SVIL: variants seen among roughly 807,000 people sequenced by gnomAD.
The protein encoded by SVIL is supervillin.
Under a neutral mutation model 240.4 loss-of-function variants are expected in SVIL, and 101 were observed. That is an observed-to-expected ratio of 0.42 (90% CI 0.36 to 0.50). SVIL has a LOEUF of 0.50. Among genes scored for constraint, SVIL ranks in the 20% least tolerant of loss-of-function variants. The pLI is 0.01. For missense variants in SVIL, 2,512 were observed against 2,818.7 expected (o/e 0.89, Z 2.46); for synonymous variants, 999 against 1,100.0 (o/e 0.91, Z 1.82).
At chr10:29,635,330 G>A (rs1010073591), upstream of SVIL, among the ~76,000 whole-genome samples, 1 of 152,084 alleles carries the variant, frequency 6.6e-6, no homozygotes, top group Admixed American at 6.5e-5. Context: ...ATGAATGCCC[G>A]AAAAGTAACT....
Position 29,532,765 on chromosome 10 carries a change from G to GT in SVIL, c.1601dup (p.Asn534LysfsTer30). ...CCTTGCGCTTTTTCGAGGCTTCCCTGTTGTGACCAGTTGGTTTGGCGTCTT... is the reference window on the plus strand; with the variant it reads ...CCTTGCGCTTTTTCGAGGCTTCCCTGTTTGTGACCAGTTGGTTTGGCGTCTT... On this transcript the variant is annotated frameshift_variant, in exon 8 of 38. Transcript: ENST00000355867. LOFTEE classifies it high-confidence loss of function. 2.5e-6 allele frequency: 4 copies of GT among 1,614,166 alleles called. No homozygotes were observed. Among genetic ancestry groups the GT allele is most frequent in the Non-Finnish European group, 2.5e-6 (3 of 1,180,040 alleles).
At chr10:29,720,141 C>G (rs1963886062) in intron 1 of SVIL, among the ~76,000 whole-genome samples, 1 of 152,086 alleles carries the variant, frequency 6.6e-6, no homozygotes, top group Non-Finnish European at 1.5e-5. Flanking sequence ...GAGTTTGAGG[C>G]TACAGTGGGC....
At chr10:29,608,115 C>T (rs1471199331) in intron 1 of SVIL, among the ~76,000 whole-genome samples, 2 of 152,224 alleles carry the variant, frequency 1.3e-5, no homozygotes, top group Non-Finnish European at 2.9e-5. Flanking sequence ...GGACTCTCTA[C>T]TGCCCCCTCC....
At chr10:29,649,116 C>T (rs1307137056) in intron 3 of SVIL, among the ~76,000 whole-genome samples, 2 of 152,142 alleles carry the variant, frequency 1.3e-5, no homozygotes, top group African/African-American at 4.8e-5. Context: ...GCTGTGATTA[C>T]ACCACTGCAC....
At chr10:29,532,369 A>C (rs1273765538) in intron 8 of SVIL, among the ~76,000 whole-genome samples, 160 bp downstream of exon 8, 1 of 152,218 alleles carries the variant, frequency 6.6e-6, no homozygotes, top group Non-Finnish European at 1.5e-5. Flanking sequence ...GCAGAAGCAG[A>C]GTGGTAGTTT....
intron 3 of SVIL, among the ~76,000 whole-genome samples, chr10:29,647,986 C>A (rs72804828): frequency 9.0e-3 from 754 of 84,234 alleles, no homozygotes; most frequent in East Asian, 0.012. Flanking sequence ...AAAAAAAAAA[C>A]AAAAAAAATC....
At chr10:29,503,306 G>A (rs1258255856) in intron 17 of SVIL, among the ~76,000 whole-genome samples, 1 of 152,202 alleles carries the variant, frequency 6.6e-6, no homozygotes, top group Non-Finnish European at 1.5e-5. Context: ...CTCAAAGTAA[G>A]TGTTTTCCAG....
chr10:29,727,669 G>C (rs564359629), intron 1 of SVIL, among the ~76,000 whole-genome samples: 3 of 151,360 alleles, frequency 2.0e-5, no homozygotes, highest in East Asian at 1.9e-4. Flanking sequence ...AGACTATTTC[G>C]GCATGGGTAA....
At chr10:29,516,333 C>A (rs569203540) in intron 16 of SVIL, among the ~76,000 whole-genome samples, 1 of 152,324 alleles carries the variant, frequency 6.6e-6, no homozygotes, top group East Asian at 1.9e-4. Context: ...GCACTTGGAG[C>A]CAGCCCTCGG....
At chr10:29,654,707 C>G (rs555758352) in intron 3 of SVIL, among the ~76,000 whole-genome samples, 3 of 152,248 alleles carry the variant, frequency 2.0e-5, no homozygotes, top group South Asian at 2.1e-4. Context: ...GTTGGACAAC[C>G]AGGAAGACTG....
At chr10:29,722,234 A>G (rs551313083) in intron 1 of SVIL, among the ~76,000 whole-genome samples, 287 of 151,684 alleles carry the variant, frequency 1.9e-3, no homozygotes, top group Non-Finnish European at 3.4e-3. Context: ...AAAAAAAAAA[A>G]AAAAAGAAAG....
chr10:29,544,754 T>TAAAAAAAAA (rs373279682), intron 6 of SVIL, among the ~76,000 whole-genome samples: 1 of 70,316 alleles, frequency 1.4e-5, no homozygotes, highest in Non-Finnish European at 2.7e-5. Context: ...AGACCTTTTC[T>TAAAAAAAAA]AAAAAAAAAA....
intron 1 of SVIL, among the ~76,000 whole-genome samples, chr10:29,585,076 A>C (rs1256855324): frequency 1.5e-5 from 2 of 129,280 alleles, no homozygotes; most frequent in Non-Finnish European, 1.7e-5. Context: ...TAATATTTTT[A>C]TTCTTCTTCC....
intron 2 of SVIL, among the ~76,000 whole-genome samples, chr10:29,684,910 C>G (rs972662648): frequency 1.3e-5 from 2 of 152,008 alleles, no homozygotes; most frequent in Non-Finnish European, 2.9e-5. Context: ...GTCTTAGGAC[C>G]TTTATTTTTT....
At chr10:29,605,090 T>C (rs1956970358) in intron 1 of SVIL, among the ~76,000 whole-genome samples, 1 of 152,238 alleles carries the variant, frequency 6.6e-6, no homozygotes, top group Non-Finnish European at 1.5e-5. Context: ...TTCCCTTTCA[T>C]ATATAAGCAG....
At chr10:29,656,831 T>C (rs1959021576) in intron 3 of SVIL, among the ~76,000 whole-genome samples, 1 of 152,200 alleles carries the variant, frequency 6.6e-6, no homozygotes, top group African/African-American at 2.4e-5. Flanking sequence ...GGCATTGGCT[T>C]TCTGTGCAGT....
chr10:29,654,557 G>A (rs980652804), intron 3 of SVIL, among the ~76,000 whole-genome samples: 4 of 152,130 alleles, frequency 2.6e-5, no homozygotes, highest in African/African-American at 9.7e-5. Flanking sequence ...AGAACCTCCA[G>A]CACAATACTG....
In SVIL at chr10:29,486,118, T is replaced by G. The variant is rs1023226964; in HGVS notation, c.4746A>C (p.Lys1582Asn). The G allele has an allele frequency of 6.2e-7, 1 of 1,614,082 alleles. No individual in the cohort carries two copies. Among genetic ancestry groups the G allele is most frequent in the African/African-American group, 1.3e-5 (1 of 74,928 alleles). Residue 1582 changes from lysine to asparagine, a missense_variant, in exon 26 of 38, where the codon AAA (lysine) becomes AAC (asparagine). Coordinates refer to ENST00000355867, the MANE Select transcript of SVIL (RefSeq NM_021738.3). ...KLVPDDDYWG[K>N]IPKCSLLQPK... ...GTTGCAGAAGGGAGCACTTCGGAAT[T>G]TTCCCCCAGTAGTCGTCATCAGGAA...
At chr10:29,505,595 G>A (rs1174272971) in intron 17 of SVIL, among the ~76,000 whole-genome samples, 3 of 152,118 alleles carry the variant, frequency 2.0e-5, no homozygotes, top group African/African-American at 4.8e-5. Context: ...ATAGTGTAAC[G>A]GTGGACATAT....
Sources: gnomAD v4.1 joint callset for allele counts (sites outside exome capture counted in the v4.1 genomes callset) on GRCh38, gnomAD v4.1.1 for gene constraint, MANE v1.5 for transcripts, NCBI Gene and HGNC (gene_info 2026-07-23, HGNC 2026-07-21) for gene names.